RAP1GAP2: variants seen among roughly 807,000 people sequenced by gnomAD.
RAP1GAP2 encodes RAP1 GTPase activating protein 2.
Under a neutral mutation model 95.0 loss-of-function variants are expected in RAP1GAP2, and 27 were observed. The ratio of observed to expected loss-of-function variants is 0.28; its 90% CI spans 0.21 to 0.39. The LOEUF is 0.39. Ranked by LOEUF, RAP1GAP2 falls within the 10% of genes least tolerant of loss-of-function variation. The pLI, the probability that RAP1GAP2 is intolerant of heterozygous loss-of-function variation, is 1.00. For missense variants in RAP1GAP2, 771 were observed against 970.0 expected (o/e 0.79, Z 2.72); for synonymous variants, 373 against 380.9 (o/e 0.98, Z 0.24).
chr17:2,994,912 C>T (rs2045901519), intron 12 of RAP1GAP2, among the ~76,000 whole-genome samples: 1 of 152,210 alleles, frequency 6.6e-6, no homozygotes, highest in East Asian at 1.9e-4. Context: ...CTCCTGGGTT[C>T]AAGCGATTCT....
chr17:2,882,727 A>T (rs1015551935), intron 2 of RAP1GAP2, among the ~76,000 whole-genome samples: 2 of 152,090 alleles, frequency 1.3e-5, no homozygotes, highest in African/African-American at 2.4e-5. Context: ...ATGGGCTGGG[A>T]TGCGGGTGCC....
intron 3 of RAP1GAP2, among the ~76,000 whole-genome samples, chr17:2,930,693 C>T (rs944346976): frequency 2.0e-5 from 3 of 152,196 alleles, no homozygotes; most frequent in African/African-American, 7.2e-5. Context: ...TCTAACGTGT[C>T]CTCCTTTACT....
Position 2,998,306 on chromosome 17 carries a change from C to T in RAP1GAP2, c.1130C>T (p.Ala377Val), listed in dbSNP as rs774671102. 2 of 1,613,904 alleles carry T rather than the reference C, an allele frequency of 1.2e-6. No individual in the cohort carries two copies. The highest frequency in any genetic ancestry group is 2.7e-5 in the African/African-American group (2 of 74,934). Residue 377 changes from alanine to valine, a missense_variant, in exon 14 of 25, where the codon GCC (alanine) becomes GTC (valine). Ala to Val is a moderately conservative substitution (Grantham distance 64, BLOSUM62 0). Coordinates refer to ENST00000254695, the MANE Select transcript of RAP1GAP2 (RefSeq NM_015085.5). ...ACGCCGTTTGTCCCAGACATGATAGCCTCCAATTTCTTACATGCCTACATC... is the reference window on the plus strand; with the variant it reads ...ACGCCGTTTGTCCCAGACATGATAGTCTCCAATTTCTTACATGCCTACATC... ...ENTPFVPDMI[A>V]SNFLHAYIVV...
chr17:2,901,287 G>A (rs1285181768), intron 2 of RAP1GAP2, among the ~76,000 whole-genome samples: 2 of 152,188 alleles, frequency 1.3e-5, no homozygotes, highest in Non-Finnish European at 2.9e-5. Flanking sequence ...TCTCTGACCT[G>A]CCCTTCCAGC....
intron 2 of RAP1GAP2, among the ~76,000 whole-genome samples, chr17:2,895,256 G>A (rs971565665): frequency 2.4e-4 from 37 of 152,138 alleles, no homozygotes; most frequent in Admixed American, 2.4e-3. Context: ...TCGGGGGCCC[G>A]CGGGGAGGCA....
chr17:2,849,998 G>GTTTTTTTTTTTTTTTTTTTTTTTTTT (rs1363363543), intron 2 of RAP1GAP2, among the ~76,000 whole-genome samples: 1 of 136,130 alleles, frequency 7.3e-6, no homozygotes. Flanking sequence ...AACACTGCCT[G>GTTTTTTTTTTTTTTTTTTTTTTTTTT]CTTTTTTTTT....
At chr17:2,864,029 G>A (rs1363816550) in intron 2 of RAP1GAP2, among the ~76,000 whole-genome samples, 1 of 151,768 alleles carries the variant, frequency 6.6e-6, no homozygotes, top group African/African-American at 2.4e-5. Context: ...TCCATCCTGG[G>A]CCACAAGAGT....
chr17:2,898,189 G>A (rs2041902986), intron 2 of RAP1GAP2, among the ~76,000 whole-genome samples: 1 of 152,176 alleles, frequency 6.6e-6, no homozygotes, highest in Non-Finnish European at 1.5e-5. Context: ...TGGGATTACA[G>A]GTGTGAGCCA....
intron 3 of RAP1GAP2, among the ~76,000 whole-genome samples, chr17:2,952,277 G>T (rs1209814692): frequency 6.6e-6 from 1 of 152,204 alleles, no homozygotes; most frequent in Non-Finnish European, 1.5e-5. Flanking sequence ...AATCTTTGCA[G>T]TAGCATCATG....
At chr17:2,880,375 G>C (rs1424186377) in intron 2 of RAP1GAP2, among the ~76,000 whole-genome samples, 1 of 151,938 alleles carries the variant, frequency 6.6e-6, no homozygotes, top group Non-Finnish European at 1.5e-5. Context: ...GCGGAGAGTT[G>C]GGTTTGAGCC....
chr17:2,839,970 G>GT (rs1468098133), intron 2 of RAP1GAP2, among the ~76,000 whole-genome samples: 2 of 150,478 alleles, frequency 1.3e-5, no homozygotes, highest in Non-Finnish European at 3.0e-5. Context: ...AGCTATTTTT[G>GT]TATTTTTAGT....
rs2072646589 is a variant in RAP1GAP2, at chr17:2,867,113, C to G, written c.81-38171C>G. On this transcript the variant is annotated intron_variant, in intron 2 of 24. Coordinates refer to ENST00000254695, the MANE Select transcript of RAP1GAP2 (RefSeq NM_015085.5). The surrounding 1 kb of genome is among the most constrained non-coding windows in gnomAD (Gnocchi z 4.5). The stretch of plus-strand genomic sequence containing the variant: ...ACGGGGTTTCACCATGTTGGCCAGG[C>G]TGGTCTCGAACTCCTGGTGTCGTGA... 6.6e-6 allele frequency among the ~76,000 whole-genome samples: 1 copy of G among 151,688 alleles called. No individual in the cohort carries two copies. Among genetic ancestry groups the G allele is most frequent in the South Asian group, 2.1e-4 (1 of 4,810 alleles).
intron 2 of RAP1GAP2, among the ~76,000 whole-genome samples, chr17:2,854,551 G>GC (rs1259537576): frequency 6.6e-6 from 1 of 152,278 alleles, no homozygotes; most frequent in Non-Finnish European, 1.5e-5. Flanking sequence ...CAGGCGAGGA[G>GC]CAAGTTTGGA....
chr17:3,021,654 C>T (rs113009671), intron 19 of RAP1GAP2, among the ~76,000 whole-genome samples: 17 of 152,118 alleles, frequency 1.1e-4, no homozygotes, highest in Non-Finnish European at 1.8e-4. Flanking sequence ...AGGCTAGTCT[C>T]GAACTCCTGA....
intron 2 of RAP1GAP2, among the ~76,000 whole-genome samples, chr17:2,863,737 A>T (rs2072505760): frequency 6.6e-6 from 1 of 152,042 alleles, no homozygotes. Context: ...TGGTTGATGG[A>T]TGGGGCTGAG....
chr17:2,759,845 G>A (rs12602759), intron 1 of RAP1GAP2, among the ~76,000 whole-genome samples: 8,770 of 152,192 alleles, frequency 0.058, 318 homozygotes, highest in East Asian at 0.12. Context: ...CTCCCGAAGT[G>A]TTGAGATTAT....
At chr17:3,018,352 C>G (rs1298648718) in intron 18 of RAP1GAP2, among the ~76,000 whole-genome samples, 154 bp downstream of exon 18, 1 of 150,350 alleles carries the variant, frequency 6.7e-6, no homozygotes, top group Non-Finnish European at 1.5e-5. Flanking sequence ...GGGGGTGACC[C>G]TGACCCCTGA....
intron 2 of RAP1GAP2, among the ~76,000 whole-genome samples, chr17:2,806,376 TTTATTA>T (rs4060867): frequency 6.2e-4 from 87 of 139,950 alleles, no homozygotes; most frequent in Admixed American, 3.3e-3. Context: ...CTACAACCTT[TTTATTA>T]TTATTATTAT....
intron 11 of RAP1GAP2, 83 bp downstream of exon 11, chr17:2,985,149 G>T: frequency 1.3e-6 from 2 of 1,579,852 alleles, no homozygotes; most frequent in Non-Finnish European, 1.7e-6. Context: ...GAACACAGGA[G>T]TCCTGACCTG....
Sources: gnomAD v4.1 joint callset for allele counts (sites outside exome capture counted in the v4.1 genomes callset) on GRCh38, gnomAD v4.1.1 for gene constraint, Gnocchi (gnomAD v3.1) non-coding constraint, MANE v1.5 for transcripts, NCBI Gene and HGNC (gene_info 2026-07-23, HGNC 2026-07-21) for gene names.